The following GRID2 variants were observed in gnomAD, a reference collection of about 807,000 sequenced individuals.
GRID2 encodes the protein glutamate receptor ionotropic, delta-2.
Under a neutral mutation model 114.8 loss-of-function variants are expected in GRID2, and 33 were observed. The ratio of observed to expected loss-of-function variants is 0.29; its 90% CI spans 0.22 to 0.38. The LOEUF (loss-of-function observed/expected upper bound fraction) is 0.38. Ranked by LOEUF, GRID2 falls within the 10% of genes least tolerant of loss-of-function variation. The probability of loss-of-function intolerance (pLI) is 1.00; values close to 1 mark genes in which losing one functional copy is unlikely to be tolerated. For synonymous variants in GRID2, 505 were observed against 449.9 expected (o/e 1.12, Z -1.55); for missense variants, 1,184 against 1,257.7 (o/e 0.94, Z 0.89).
At chr4:92,671,831 A>G (rs185784863) in intron 2 of GRID2, among the ~76,000 whole-genome samples, 55 of 152,242 alleles carry the variant, frequency 3.6e-4, no homozygotes, top group African/African-American at 2.4e-5. Context: ...GAGTCATATC[A>G]GTTCTCAGAT....
intron 2 of GRID2, among the ~76,000 whole-genome samples, chr4:92,766,337 G>A (rs970487453): frequency 1.3e-5 from 2 of 152,008 alleles, no homozygotes; most frequent in South Asian, 4.2e-4. Flanking sequence ...AGGAGATCCA[G>A]GCCATCCTGG....
At position 92,937,518 on chromosome 4, in the gene GRID2, T is replaced by C. The variant is rs557255902; in HGVS notation, c.245-147477T>C. Among the ~76,000 whole-genome samples the C allele has an allele frequency of 6.5e-4, 95 of 146,640 alleles. 3 individuals are homozygous for C. The highest frequency in any genetic ancestry group is 2.0e-3 in the African/African-American group (82 of 41,292). On this transcript the variant is annotated intron_variant, in intron 2 of 15. Coordinates refer to ENST00000282020, the MANE Select transcript of GRID2 (RefSeq NM_001510.4). ...GACCATAGGCCCCTGGGTTTACTTCTGAACTTCCAATTGATCAGTATGTTT... is the reference window on the plus strand; with the variant it reads ...GACCATAGGCCCCTGGGTTTACTTCCGAACTTCCAATTGATCAGTATGTTT...
intron 4 of GRID2, among the ~76,000 whole-genome samples, chr4:93,161,509 T>C (rs984896043): frequency 9.9e-5 from 15 of 151,772 alleles, no homozygotes; most frequent in African/African-American, 3.6e-4. Context: ...ATTACAGCTG[T>C]GCCCTAAATA....
chr4:92,773,960 C>G (rs1482057239), intron 2 of GRID2, among the ~76,000 whole-genome samples: 1 of 151,946 alleles, frequency 6.6e-6, no homozygotes, highest in Non-Finnish European at 1.5e-5. Flanking sequence ...GTGCAAAAGA[C>G]AAATAGATTG....
chr4:92,680,091 C>G (rs980296943), intron 2 of GRID2, among the ~76,000 whole-genome samples: 17 of 151,894 alleles, frequency 1.1e-4, no homozygotes, highest in African/African-American at 3.6e-4. Context: ...AGGAAGAACT[C>G]TTTACTGGAG....
chr4:92,562,563 G>T (rs1727145953), intron 1 of GRID2, among the ~76,000 whole-genome samples: 1 of 152,096 alleles, frequency 6.6e-6, no homozygotes, highest in African/African-American at 2.4e-5. Context: ...CATTTTTTCT[G>T]CATTGCCTGC....
chr4:93,355,437 C>T lies in GRID2; in HGVS notation c.1246-40170C>T, dbSNP rs1342167077. Among the ~76,000 whole-genome samples the T allele has an allele frequency of 1.1e-4, 17 of 151,990 alleles. 1 individual carries two copies. Among genetic ancestry groups the T allele is most frequent in the Non-Finnish European group, 5.9e-5 (4 of 67,970 alleles). On this transcript the variant is annotated intron_variant, in intron 8 of 15. Transcript: ENST00000282020. ...GGACAGCCTTCATGGAGTCTGTTTA[C>T]GTGGATTGGGTTTCTCACAGCACAG...
At chr4:92,476,683 T>C (rs191256710) in intron 1 of GRID2, among the ~76,000 whole-genome samples, 196 of 152,180 alleles carry the variant, frequency 1.3e-3, no homozygotes, top group Non-Finnish European at 2.2e-3. Flanking sequence ...AAGAAAAAAA[T>C]TTCGTATGTT....
intron 2 of GRID2, among the ~76,000 whole-genome samples, chr4:92,676,146 G>T (rs2149280102): frequency 1.8e-5 from 2 of 111,858 alleles, no homozygotes; most frequent in African/African-American, 3.4e-5. Context: ...ATGATGCATT[G>T]TCGTGTCAAG....
At chr4:93,391,231 A>G (rs1764823957) in intron 8 of GRID2, among the ~76,000 whole-genome samples, 1 of 152,206 alleles carries the variant, frequency 6.6e-6, no homozygotes, top group Non-Finnish European at 1.5e-5. Flanking sequence ...ATTCATTCAC[A>G]TGTCAAAGTG....
At chr4:92,893,614 A>ACAGTTTGTCAAATCTCTGCTC (rs1338338343) in intron 2 of GRID2, among the ~76,000 whole-genome samples, 2 of 152,000 alleles carry the variant, frequency 1.3e-5, no homozygotes, top group Non-Finnish European at 2.9e-5. Context: ...CTTAATCTTT[A>ACAGTTTGTCAAATCTCTGCTC]CAGTTTGTCA....
intron 4 of GRID2, among the ~76,000 whole-genome samples, chr4:93,178,663 C>T (rs1304422744): frequency 6.6e-6 from 1 of 151,938 alleles, no homozygotes; most frequent in Non-Finnish European, 1.5e-5. Flanking sequence ...GCTAGGATTA[C>T]ACTTGTGAGC....
chr4:92,803,039 C>A (rs1187447883), intron 2 of GRID2, among the ~76,000 whole-genome samples: 5 of 151,904 alleles, frequency 3.3e-5, no homozygotes, highest in Non-Finnish European at 7.4e-5. Context: ...GTTTTGAAGA[C>A]AATATTTGTT....
intron 2 of GRID2, among the ~76,000 whole-genome samples, chr4:92,767,700 G>C (rs1040491995): frequency 6.6e-6 from 1 of 151,620 alleles, no homozygotes; most frequent in Non-Finnish European, 1.5e-5. Flanking sequence ...GCAGTGAACC[G>C]AGACCACACC....
intron 2 of GRID2, among the ~76,000 whole-genome samples, chr4:92,658,807 A>G (rs1220676104): frequency 2.3e-5 from 3 of 131,734 alleles, no homozygotes; most frequent in African/African-American, 8.1e-5. Flanking sequence ...ATATATATAT[A>G]TATATATATA....
intron 13 of GRID2, among the ~76,000 whole-genome samples, chr4:93,598,210 G>T (rs1477967250): frequency 6.6e-6 from 1 of 152,112 alleles, no homozygotes; most frequent in East Asian, 1.9e-4. Context: ...TCTAGACTCT[G>T]TGTTCTTAGA....
At chr4:93,306,739 A>G (rs1755465104) in intron 8 of GRID2, among the ~76,000 whole-genome samples, 1 of 152,224 alleles carries the variant, frequency 6.6e-6, no homozygotes, top group African/African-American at 2.4e-5. Context: ...GATAGAACCA[A>G]TATTATGGAA....
intron 2 of GRID2, among the ~76,000 whole-genome samples, chr4:92,657,324 C>T (rs990366267): frequency 6.6e-6 from 1 of 151,474 alleles, no homozygotes; most frequent in Non-Finnish European, 1.5e-5. Flanking sequence ...TATTTGTCAG[C>T]CTCTACACTT....
chr4:93,542,288 A>G (rs548462323), intron 13 of GRID2, among the ~76,000 whole-genome samples: 120 of 152,270 alleles, frequency 7.9e-4, no homozygotes, highest in Non-Finnish European at 1.4e-3. Context: ...ATATTTTACT[A>G]TCCTGTACCC....
Sources: allele counts gnomAD v4.1 joint callset (sites outside exome capture counted in the v4.1 genomes callset), GRCh38; gene constraint gnomAD v4.1.1; transcripts MANE v1.5; gene names NCBI Gene and HGNC (gene_info 2026-07-23, HGNC 2026-07-21).